The following TMEM192 variants were observed in gnomAD, a reference collection of about 807,000 sequenced individuals.
The protein encoded by TMEM192 is transmembrane protein 192.
TMEM192 carries 20 observed loss-of-function variants against 26.7 expected under a neutral mutation model. The ratio of observed to expected loss-of-function variants is 0.75; its 90% confidence interval spans 0.53 to 1.09. The LOEUF is 1.09. Among genes scored for constraint, TMEM192 ranks in the 50% least tolerant of loss-of-function variants. The pLI is 0.00. For missense variants in TMEM192, 304 were observed against 322.6 expected (o/e 0.94, Z 0.44); for synonymous variants, 124 against 121.0 (o/e 1.02, Z -0.16).
intron 3 of TMEM192, among the ~76,000 whole-genome samples, chr4:165,098,774 T>C (rs1192152301): frequency 6.6e-6 from 1 of 152,018 alleles, no homozygotes; most frequent in Non-Finnish European, 1.5e-5. Flanking sequence ...TTCGGCTCAC[T>C]GTAACCTCTG....
At chr4:165,094,490 T>A (rs552996441) in intron 3 of TMEM192, among the ~76,000 whole-genome samples, 3 of 152,016 alleles carry the variant, frequency 2.0e-5, no homozygotes, top group African/African-American at 7.2e-5. Flanking sequence ...AAACCCCATC[T>A]CTACTAAAAA....
At chr4:165,084,942 G>A (rs1386405017) in intron 5 of TMEM192, among the ~76,000 whole-genome samples, 1 of 151,882 alleles carries the variant, frequency 6.6e-6, no homozygotes, top group Admixed American at 6.6e-5. Flanking sequence ...AGGAGTTTGA[G>A]GCCAGCCTGG....
In TMEM192 at chr4:165,085,677, T is replaced by G. The variant is rs1734596690; in HGVS notation, c.586A>C (p.Arg196=). 6.2e-7 allele frequency: 1 copy of G among 1,600,050 alleles called. No individual in the cohort carries two copies. The highest frequency in any genetic ancestry group is 8.5e-7 in the Non-Finnish European group (1 of 1,173,064). ...GGCTCTGGTTTAGCTTTATTAAATC[T>G]CCGGATTTTCACTAAAATAATAAAG... The part of the protein sequence containing the change: ...CLLIYTVKIR[R]FNKAKPEPDI... Residue 196 remains arginine (R), a synonymous_variant, in exon 5 of 6, where the codon AGA becomes CGA. Coordinates refer to ENST00000306480, the MANE Select transcript of TMEM192 (RefSeq NM_001100389.2).
Position 165,079,553 on chromosome 4 carries a change from T to C in TMEM192, c.*105A>G, listed in dbSNP as rs1578897280. 3 of 1,326,518 alleles carry C rather than the reference T, an allele frequency of 2.3e-6. No individual in the cohort carries two copies. The highest frequency in any genetic ancestry group is 3.0e-6 in the Non-Finnish European group (3 of 985,226). The allele number at this position is 1,326,518 out of a possible 1,614,324, so 82.2% of individuals were successfully genotyped here. A position where few individuals can be genotyped will look rare whatever the true frequency, so the allele number is the denominator to read the frequency against. ...CAGGTTTCCAACAAACACTGTAAAA[T>C]GCTATTCAGCAAAAGCTGCAGTTCC... On this transcript the variant is annotated 3_prime_UTR_variant, in exon 6 of 6. Transcript: ENST00000306480.
At position 165,081,335 on chromosome 4, in the gene TMEM192, G is replaced by A. The variant is rs1340995445; in HGVS notation, c.678-1539C>T. Among the ~76,000 whole-genome samples, 4 of 150,378 alleles carry A rather than the reference G, an allele frequency of 2.7e-5. No homozygotes were observed. In the East Asian group the frequency reaches 7.8e-4, roughly 29 times the overall value. Reference sequence around the variant, plus strand: ...GGAACTGAGAAGGGATATGCTCTGAGTAGAGTCAACTCTTGTATATACTGA... The same window carrying A: ...GGAACTGAGAAGGGATATGCTCTGAATAGAGTCAACTCTTGTATATACTGA... On this transcript the variant is annotated intron_variant, in intron 5 of 5. Coordinates refer to ENST00000306480, the MANE Select transcript of TMEM192 (RefSeq NM_001100389.2).
chr4:165,112,072 GTTTTTTGT>G (rs1327189180), intron 1 of TMEM192, among the ~76,000 whole-genome samples: 1 of 152,122 alleles, frequency 6.6e-6, no homozygotes, highest in African/African-American at 2.4e-5. Context: ...TAGGCCACTG[GTTTTTTGT>G]TTTTTTGTTT....
intron 3 of TMEM192, among the ~76,000 whole-genome samples, chr4:165,091,608 A>T (rs780848122): frequency 5.3e-5 from 8 of 152,172 alleles, no homozygotes; most frequent in Non-Finnish European, 1.2e-4. Context: ...CCACACACAA[A>T]ACTATTTATT....
rs1233027176 is a variant in TMEM192, at chr4:165,100,898, G to A, written c.175-6C>T. On this transcript the variant is annotated splice_polypyrimidine_tract_variant and splice_region_variant and intron_variant, in intron 2 of 5. Coordinates refer to ENST00000306480, the MANE Select transcript of TMEM192 (RefSeq NM_001100389.2). ...GCTAAAACAACAAACACGAGCTGGG[G>A]GAAAGGAGAGCAGAAAGATTAATAT... 2 of 1,605,764 alleles carry A rather than the reference G, an allele frequency of 1.2e-6. No homozygotes were observed. The highest frequency in any genetic ancestry group is 1.7e-5 in the Admixed American group (1 of 58,712).
At chr4:165,109,562 G>A (rs1026807092) in intron 1 of TMEM192, among the ~76,000 whole-genome samples, 3 of 152,018 alleles carry the variant, frequency 2.0e-5, no homozygotes, top group East Asian at 1.9e-4. Flanking sequence ...ACCGGGTTTC[G>A]CCATGTTGGC....
At chr4:165,098,954 G>A (rs925005779) in intron 3 of TMEM192, among the ~76,000 whole-genome samples, 4 of 151,418 alleles carry the variant, frequency 2.6e-5, no homozygotes, top group Non-Finnish European at 4.4e-5. Context: ...CTTCCGCTTC[G>A]GCCTCCCAAA....
rs181583197 is a variant in TMEM192, at chr4:165,103,591, C to T, written c.28-495G>A. ...GTGCACTGGCACAACCTTGGCTCGC[C>T]GAAACCTCCACCTCCCGGGTTCCAG... is the stretch of plus-strand genomic sequence containing the variant. On this transcript the variant is annotated intron_variant, in intron 1 of 5. Coordinates refer to ENST00000306480, the MANE Select transcript of TMEM192 (RefSeq NM_001100389.2). 1.2e-4 allele frequency among the ~76,000 whole-genome samples: 17 copies of T among 145,030 alleles called. No individual in the cohort carries two copies. In the East Asian group the frequency reaches 2.5e-3, roughly 21 times the overall value.
rs530886036 is a variant in TMEM192 at position 165,107,035 on chromosome 4, C to CT, written c.28-3940dup. On this transcript the variant is annotated intron_variant, in intron 1 of 5. Coordinates refer to ENST00000306480, the MANE Select transcript of TMEM192 (RefSeq NM_001100389.2). ...GATTTTTTTTCTCTCTTTTTTTTTT[C>CT]TTTTTTTGAGACAGAGTCTTGCTCT... 6.1e-4 allele frequency among the ~76,000 whole-genome samples: 89 copies of CT among 147,086 alleles called. 1 individual carries two copies. The highest frequency in any genetic ancestry group is 2.2e-3 in the African/African-American group (86 of 39,966).
chr4:165,103,241 A>G (rs545635433), intron 1 of TMEM192, 145 bp from the exon 2 acceptor site: 62 of 472,120 alleles, frequency 1.3e-4, no homozygotes, highest in South Asian at 1.2e-3. Context: ...AATTTTTTAA[A>G]AATTAATTAT....
At chr4:165,104,413 A>C (rs1735117390) in intron 1 of TMEM192, among the ~76,000 whole-genome samples, 1 of 152,210 alleles carries the variant, frequency 6.6e-6, no homozygotes, top group African/African-American at 2.4e-5. Flanking sequence ...ATGGCTGTTG[A>C]TTGCTAAGAT....
chr4:165,091,515 G>C (rs1194639614), intron 3 of TMEM192, among the ~76,000 whole-genome samples: 35 of 152,136 alleles, frequency 2.3e-4, no homozygotes, highest in Non-Finnish European at 1.5e-5. Context: ...AGTTTAGTAA[G>C]AAGTGTTCTA....
intron 3 of TMEM192, among the ~76,000 whole-genome samples, chr4:165,096,978 G>C (rs60384816): frequency 0.027 from 3,969 of 148,734 alleles, 62 homozygotes; most frequent in African/African-American, 0.04. Context: ...TTTAATCTTT[G>C]TGTTACCCTG....
Position 165,072,838 on chromosome 4 carries a change from G to C in TMEM192, c.*6820C>G, listed in dbSNP as rs528614253. 6.6e-6 allele frequency: 1 copy of C among 152,196 alleles called. No homozygotes were observed. Among genetic ancestry groups the C allele is most frequent in the South Asian group, 2.1e-4 (1 of 4,818 alleles). The allele number at this position is 152,196 out of a possible 1,614,324, so 9.4% of individuals were successfully genotyped here. A position where few individuals can be genotyped will look rare whatever the true frequency, so the allele number is the denominator to read the frequency against. On this transcript the variant is annotated 3_prime_UTR_variant, in exon 6 of 6. Transcript: ENST00000306480. ...ATATACCCAAGTAGTGATCTAGAAG[G>C]GGCAGTTGGACACATAAGTCTGGAG...
chr4:165,102,583 T>C (rs1415935113), intron 2 of TMEM192, among the ~76,000 whole-genome samples: 1 of 152,158 alleles, frequency 6.6e-6, no homozygotes, highest in African/African-American at 2.4e-5. Flanking sequence ...ATATACTGTA[T>C]ACCTATCCAC....
chr4:165,088,651 T>A (rs1734682646), intron 3 of TMEM192, 49 bp from the exon 4 acceptor site: 1 of 1,553,286 alleles, frequency 6.4e-7, no homozygotes, highest in Non-Finnish European at 8.7e-7. Flanking sequence ...AATACATATA[T>A]GGTCTTTGTC....
Sources: allele counts gnomAD v4.1 joint callset (sites outside exome capture counted in the v4.1 genomes callset), GRCh38; gene constraint gnomAD v4.1.1; transcripts MANE v1.5; gene names NCBI Gene and HGNC (gene_info 2026-07-23, HGNC 2026-07-21).